MAGI1: variants seen among roughly 807,000 people sequenced by gnomAD.
MAGI1 encodes membrane associated guanylate kinase, WW and PDZ domain containing 1.
A neutral mutation model predicts 139.9 loss-of-function variants in MAGI1; 58 were observed. The observed-to-expected ratio is 0.41, with a 90% confidence interval of 0.34 to 0.52. MAGI1 has a LOEUF of 0.52. Among genes scored for constraint, MAGI1 ranks in the 20% least tolerant of loss-of-function variants. The pLI is 0.12. For missense variants in MAGI1, 1,874 were observed against 1,901.6 expected (o/e 0.99, Z 0.27); for synonymous variants, 812 against 737.9 (o/e 1.10, Z -1.63).
intron 1 of MAGI1, among the ~76,000 whole-genome samples, chr3:65,785,154 T>A (rs192056195): frequency 9.5e-4 from 145 of 152,364 alleles, no homozygotes; most frequent in Middle Eastern, 6.8e-3. Context: ...GTGATTTAAC[T>A]TCTGTATCCC....
chr3:65,660,864 A>G (rs2086153613), intron 1 of MAGI1, among the ~76,000 whole-genome samples: 1 of 152,216 alleles, frequency 6.6e-6, no homozygotes, highest in African/African-American at 2.4e-5. Context: ...ATGCCAAAGG[A>G]CCAATTATTA....
intron 2 of MAGI1, chr3:65,549,353 C>T (rs1444142642): frequency 6.7e-5 from 58 of 861,184 alleles, no homozygotes; most frequent in Non-Finnish European, 8.0e-5. Flanking sequence ...CTTCCTAACC[C>T]CCTCCCCTCC....
At chr3:65,405,172 G>A (rs909911966) in intron 12 of MAGI1, among the ~76,000 whole-genome samples, 2 of 152,178 alleles carry the variant, frequency 1.3e-5, no homozygotes, top group Admixed American at 6.5e-5. Flanking sequence ...GCAGGAGCGA[G>A]AAAAGCTTGG....
At chr3:65,793,840 C>T (rs1004121184) in intron 1 of MAGI1, among the ~76,000 whole-genome samples, 1 of 152,244 alleles carries the variant, frequency 6.6e-6, no homozygotes. Flanking sequence ...TCTGCACCAA[C>T]ATCATATAGA....
chr3:65,715,515 C>T (rs2032126290), intron 1 of MAGI1, among the ~76,000 whole-genome samples: 2 of 152,210 alleles, frequency 1.3e-5, no homozygotes, highest in South Asian at 4.1e-4. Context: ...TTCATCTTGA[C>T]TGCAGAAATC....
intron 3 of MAGI1, among the ~76,000 whole-genome samples, chr3:65,491,468 C>G (rs1173459729): frequency 6.6e-6 from 1 of 152,108 alleles, no homozygotes; most frequent in Non-Finnish European, 1.5e-5. Context: ...TCCTCTTTTG[C>G]TTTGTACAAC....
chr3:65,930,919 A>G (rs1398374416), intron 1 of MAGI1, among the ~76,000 whole-genome samples: 2 of 152,172 alleles, frequency 1.3e-5, no homozygotes, highest in Non-Finnish European at 2.9e-5. Flanking sequence ...TGGAAAACTC[A>G]TGAATAATCC....
rs527335285 is a variant in MAGI1 at position 65,559,023 on chromosome 3, C to T, written c.430+62949G>A. Among the ~76,000 whole-genome samples the T allele has an allele frequency of 8.5e-5, 13 of 152,218 alleles. No homozygotes were observed. In the East Asian group the frequency reaches 1.5e-3, roughly 18 times the overall value. On this transcript the variant is annotated intron_variant, in intron 2 of 22. Coordinates refer to ENST00000402939, the MANE Select transcript of MAGI1 (RefSeq NM_001033057.2). ...AGGGCCAAATTATACATAGTGCACA[C>T]GTCACAGCTCAAGTCCTTTTCACAA...
intron 2 of MAGI1, among the ~76,000 whole-genome samples, chr3:65,508,919 A>G (rs1193030857): frequency 6.6e-6 from 1 of 152,250 alleles, no homozygotes; most frequent in Admixed American, 6.5e-5. Flanking sequence ...AAGAGAGGGC[A>G]GAGGCAATCT....
At chr3:65,892,016 C>T (rs1368597042) in intron 1 of MAGI1, among the ~76,000 whole-genome samples, 1 of 143,622 alleles carries the variant, frequency 7.0e-6, no homozygotes, top group South Asian at 2.2e-4. Context: ...TGAGATACAC[C>T]CCCTCCCATA....
intron 1 of MAGI1, among the ~76,000 whole-genome samples, chr3:65,791,248 C>A (rs1273461661): frequency 1.3e-5 from 2 of 152,172 alleles, no homozygotes; most frequent in African/African-American, 2.4e-5. Context: ...GAAGAACACA[C>A]ACTCTCCTCC....
At chr3:65,398,502 A>T (rs1944586168) in intron 13 of MAGI1, among the ~76,000 whole-genome samples, 1 of 152,192 alleles carries the variant, frequency 6.6e-6, no homozygotes, top group African/African-American at 2.4e-5. Flanking sequence ...TCATCTCAAA[A>T]AAAAAGAGGG....
intron 1 of MAGI1, among the ~76,000 whole-genome samples, chr3:65,960,798 T>C (rs1435600118): frequency 6.6e-6 from 1 of 152,210 alleles, no homozygotes. Flanking sequence ...TCCCCACCTT[T>C]GTTTCCATAT....
At chr3:65,548,342 C>T (rs556278328) in intron 2 of MAGI1, among the ~76,000 whole-genome samples, 1 of 152,100 alleles carries the variant, frequency 6.6e-6, no homozygotes, top group African/African-American at 2.4e-5. Flanking sequence ...ACACAGCTCG[C>T]AAGAAGGCCT....
At position 65,950,091 on chromosome 3, in the gene MAGI1, AAAC is replaced by A. The variant is rs370808021; in HGVS notation, c.313+87902_313+87904del. Reference sequence around the variant, plus strand: ...ACAAAAAAAAAACAAAAAAAAAAACAAACAAAAAAAAAAAACAGAACTAGCAAT... The same window carrying A: ...ACAAAAAAAAAACAAAAAAAAAAACAAAAAAAAAAAAACAGAACTAGCAAT... On this transcript the variant is annotated intron_variant, in intron 1 of 22. Coordinates refer to ENST00000402939, the MANE Select transcript of MAGI1 (RefSeq NM_001033057.2). Among the ~76,000 whole-genome samples, 54 of 41,424 alleles carry A rather than the reference AAAC, an allele frequency of 1.3e-3. 3 individuals carry two copies. Among genetic ancestry groups the A allele is most frequent in the South Asian group, 2.5e-3 (3 of 1,188 alleles). 27.2% of individuals were successfully genotyped at this position (41,424 alleles called of 152,430 possible). A position where few individuals can be genotyped will look rare whatever the true frequency, so the allele number is the denominator to read the frequency against.
chr3:65,435,108 C>T (rs1035844162), intron 10 of MAGI1, among the ~76,000 whole-genome samples: 1 of 152,144 alleles, frequency 6.6e-6, no homozygotes, highest in South Asian at 2.1e-4. Context: ...CTTTGACTTC[C>T]CAGTCTCCAG....
In MAGI1 at chr3:65,950,097, A is replaced by C. The variant is rs554221653; in HGVS notation, c.313+87899T>G. ...AAAAAACAAAAAAAAAAACAAACAA[A>C]AAAAAAAAACAGAACTAGCAATATT... On this transcript the variant is annotated intron_variant, in intron 1 of 22. Transcript: ENST00000402939. Among the ~76,000 whole-genome samples, 469 of 87,734 alleles carry C rather than the reference A, an allele frequency of 5.3e-3. 23 individuals are homozygous for C. Among genetic ancestry groups the C allele is most frequent in the African/African-American group, 0.017 (431 of 24,746 alleles). The allele number at this position is 87,734 out of a possible 152,430, so 57.6% of individuals were successfully genotyped here.
chr3:65,614,234 A>G (rs1236713742), intron 2 of MAGI1, among the ~76,000 whole-genome samples: 1 of 152,184 alleles, frequency 6.6e-6, no homozygotes, highest in Non-Finnish European at 1.5e-5. Context: ...GGGCCCTGAA[A>G]GGTGGCCTGA....
At chr3:65,385,123 C>T (rs146065100) in intron 14 of MAGI1, among the ~76,000 whole-genome samples, 1 of 152,140 alleles carries the variant, frequency 6.6e-6, no homozygotes, top group Non-Finnish European at 1.5e-5. Context: ...TGATATTTTA[C>T]TTTCAATACT....
Sources: gnomAD v4.1 joint callset for allele counts (sites outside exome capture counted in the v4.1 genomes callset) on GRCh38, gnomAD v4.1.1 for gene constraint, MANE v1.5 for transcripts, NCBI Gene and HGNC (gene_info 2026-07-23, HGNC 2026-07-21) for gene names.